Variants in FIBCD1 observed in about 807,000 individuals in gnomAD.
FIBCD1 encodes fibrinogen C domain-containing protein 1.
FIBCD1 carries 47 observed loss-of-function variants against 45.1 expected under a neutral mutation model. That is an observed-to-expected ratio of 1.04 (90% CI 0.82 to 1.33). The LOEUF is 1.33. Among genes scored for constraint, FIBCD1 ranks in the 40% most tolerant of loss-of-function variants. The pLI, the probability that FIBCD1 is intolerant of heterozygous loss-of-function variation, is 0.00. For synonymous variants in FIBCD1, 313 were observed against 308.1 expected (o/e 1.02, Z -0.17); for missense variants, 653 against 682.2 (o/e 0.96, Z 0.48).
rs1308783826 is a variant in FIBCD1, at chr9:130,922,956, T to C, written c.849+788A>G. ...TTCTCCAGGAAGCTTTACCCTCCCC[T>C]CTGCTACAGTGACTTCTTCCGCCCC... On this transcript the variant is annotated intron_variant, in intron 4 of 6. Coordinates refer to ENST00000372338, the MANE Select transcript of FIBCD1 (RefSeq NM_032843.5). This position sits in a 1 kb window ranked among gnomAD's most constrained non-coding sequence, Gnocchi z 4.5. Among the ~76,000 whole-genome samples, 2 of 152,114 alleles carry C rather than the reference T, an allele frequency of 1.3e-5. No homozygotes were observed. The highest frequency in any genetic ancestry group is 2.9e-5 in the Non-Finnish European group (2 of 68,012).
At position 130,939,092 on chromosome 9, in the gene FIBCD1, T is replaced by A. The variant is rs1832571999; in HGVS notation, c.-485A>T. Reference sequence around the variant, plus strand: ...AAAGGAGGCCGAACTGGCCCCCAGATAACGCGGCCGGCCGGAGGGCAGCAA... The same window carrying A: ...AAAGGAGGCCGAACTGGCCCCCAGAAAACGCGGCCGGCCGGAGGGCAGCAA... On this transcript the variant is annotated 5_prime_UTR_variant, in exon 1 of 7. Transcript: ENST00000372338. 1 of 151,964 alleles carries A rather than the reference T, an allele frequency of 6.6e-6. No homozygotes were observed. The highest frequency in any genetic ancestry group is 2.4e-5 in the African/African-American group (1 of 41,362). 9.4% of individuals were successfully genotyped at this position (151,964 alleles called of 1,614,324 possible).
chr9:130,908,332 C>T (rs923316617), intron 5 of FIBCD1, among the ~76,000 whole-genome samples: 2 of 152,202 alleles, frequency 1.3e-5, no homozygotes, highest in African/African-American at 4.8e-5. Context: ...TGCTTCCTCC[C>T]GCATCATCTG....
intron 5 of FIBCD1, among the ~76,000 whole-genome samples, chr9:130,909,425 C>T (rs958037287): frequency 2.7e-4 from 41 of 152,316 alleles, no homozygotes; most frequent in Admixed American, 2.1e-3. Context: ...CATGTATATT[C>T]AAAACCTGCA....
In FIBCD1 at chr9:130,938,673, T is replaced by TGGGCGCGGGCGC. The variant is rs879274333; in HGVS notation, c.-78_-67dup. The TGGGCGCGGGCGC allele has an allele frequency of 2.4e-5, 27 of 1,124,592 alleles. No homozygotes were observed. Among genetic ancestry groups the TGGGCGCGGGCGC allele is most frequent in the African/African-American group, 1.2e-4 (7 of 60,580 alleles). The allele number at this position is 1,124,592 out of a possible 1,614,324, so 69.7% of individuals were successfully genotyped here. On this transcript the variant is annotated 5_prime_UTR_variant, in exon 1 of 7. Coordinates refer to ENST00000372338, the MANE Select transcript of FIBCD1 (RefSeq NM_032843.5). The stretch of plus-strand genomic sequence containing the variant: ...GCTGCGGAGCGCAAAGGAGACGGGG[T>TGGGCGCGGGCGC]GGGCGCGGGCGCGGGCGCGGGGCGC...
At chr9:130,928,340 C>T (rs1832390324) in intron 2 of FIBCD1, among the ~76,000 whole-genome samples, 1 of 152,208 alleles carries the variant, frequency 6.6e-6, no homozygotes. Flanking sequence ...CCTTCATGAA[C>T]TGGGCCTGAG....
intron 1 of FIBCD1, among the ~76,000 whole-genome samples, chr9:130,930,458 G>A (rs1212211210): frequency 6.6e-6 from 1 of 152,018 alleles, no homozygotes; most frequent in Non-Finnish European, 1.5e-5. Context: ...GGAGACGCAG[G>A]GAGACGCGGG....
Position 130,924,252 on chromosome 9 carries a change from G to C in FIBCD1, c.697C>G (p.Arg233Gly), listed in dbSNP as rs369242270. ...QRAPARGTRP[R>G]GCATGSRPRD... ...CCCCACTCACCAGTGGCACAGCCCC[G>C]GGGCCGGGTTCCCCGGGCAGGCGCT... Residue 233 changes from arginine to glycine, a missense_variant, in exon 3 of 7, where the codon CGG (arginine) becomes GGG (glycine). Arg to Gly is a moderately radical substitution (Grantham distance 125). Transcript: ENST00000372338. The C allele has an allele frequency of 6.3e-7, 1 of 1,596,556 alleles. No individual in the cohort carries two copies. The highest frequency in any genetic ancestry group is 1.1e-5 in the South Asian group (1 of 88,296).
Position 130,924,426 on chromosome 9 carries a change from G to A in FIBCD1, c.553-30C>T, listed in dbSNP as rs375652381. 11 of 1,581,488 alleles carry A rather than the reference G, an allele frequency of 7.0e-6. No individual in the cohort carries two copies. The African/African-American group carries it at 9.4e-5, about 13-fold the overall frequency. ...GGAGCACAGGGGGTGAGCCGAGGGG[G>A]CAGGGGCTCTGTTGGGGGTGGGGTG... On this transcript the variant is annotated intron_variant, in intron 2 of 6. Transcript: ENST00000372338.
At position 130,905,395 on chromosome 9, in the gene FIBCD1, G is replaced by T. The variant is rs1370313725; in HGVS notation, c.965C>A (p.Ala322Asp). 6.2e-7 allele frequency: 1 copy of T among 1,613,382 alleles called. No homozygotes were observed. Among genetic ancestry groups the T allele is most frequent in the Non-Finnish European group, 8.5e-7 (1 of 1,179,652 alleles). Residue 322 changes from alanine (A) to aspartate (D), a missense_variant, in exon 6 of 7, where the codon GCC becomes GAC. Coordinates refer to ENST00000372338, the MANE Select transcript of FIBCD1 (RefSeq NM_032843.5). ...EHWLGLKRIH[A>D]LTTQAAYELH... ...CTCGTAGGCAGCCTGTGTGGTCAGG[G>T]CGTGGATCCTCTTGAGCCCTGAAGT...
intron 3 of FIBCD1, 25 bp downstream of exon 3, chr9:130,924,212 G>T: frequency 6.5e-7 from 1 of 1,544,178 alleles, no homozygotes. Context: ...AGGCACCGGA[G>T]GAAGGCAGGC....
At chr9:130,940,283 G>A (rs2133135077), upstream of FIBCD1, among the ~76,000 whole-genome samples, 1 of 152,384 alleles carries the variant, frequency 6.6e-6, no homozygotes, top group African/African-American at 2.4e-5. Flanking sequence ...CCACCCGCCA[G>A]GCGCTGGGTT....
chr9:130,938,403 C>T (rs895230706), intron 1 of FIBCD1, 133 bp downstream of exon 1: 4 of 715,268 alleles, frequency 5.6e-6, no homozygotes, highest in South Asian at 2.6e-5. Context: ...GTCCCCATCC[C>T]GGCCCGGGCC....
intron 5 of FIBCD1, among the ~76,000 whole-genome samples, chr9:130,906,899 G>A (rs907919815): frequency 3.3e-5 from 5 of 152,192 alleles, no homozygotes; most frequent in Non-Finnish European, 2.9e-5. Flanking sequence ...GGTGCTGACT[G>A]CTGCTTCCCA....
rs1008062686 is a variant in FIBCD1 at position 130,911,890 on chromosome 9, T to C, written c.850-2A>G. The C allele has an allele frequency of 3.8e-6, 6 of 1,570,586 alleles. No individual in the cohort carries two copies. The highest frequency in any genetic ancestry group is 2.7e-5 in the African/African-American group (2 of 73,448). Reference sequence around the variant, plus strand: ...GCCGTCCTCCCGGCGCTGAAACACCTGCAAAGGGAAGATGGGGATGGGGCG... The same window carrying C: ...GCCGTCCTCCCGGCGCTGAAACACCCGCAAAGGGAAGATGGGGATGGGGCG... On this transcript the variant is annotated splice_acceptor_variant, in intron 4 of 6. Transcript: ENST00000372338. LOFTEE classifies it high-confidence loss of function.
intron 1 of FIBCD1, chr9:130,933,852 C>T (rs977533654): frequency 5.3e-5 from 8 of 152,298 alleles, no homozygotes; most frequent in African/African-American, 1.9e-4. Context: ...AGACTGGGAC[C>T]ACACTCCACA....
At chr9:130,930,267 CAG>C (rs1014594061) in intron 1 of FIBCD1, among the ~76,000 whole-genome samples, 1 of 152,008 alleles carries the variant, frequency 6.6e-6, no homozygotes, top group African/African-American at 2.4e-5. Flanking sequence ...GTGAGCGCCT[CAG>C]GGAGAAAGTG....
rs575715871 is a variant in FIBCD1, at chr9:130,928,796, C to G, written c.552+771G>C. 2.6e-3 allele frequency among the ~76,000 whole-genome samples: 389 copies of G among 152,268 alleles called. 1 individual carries two copies. The highest frequency in any genetic ancestry group is 9.0e-3 in the African/African-American group (376 of 41,564). On this transcript the variant is annotated intron_variant, in intron 2 of 6. Coordinates refer to ENST00000372338, the MANE Select transcript of FIBCD1 (RefSeq NM_032843.5). Reference sequence around the variant, plus strand: ...GCAGGGGCTGGATTCCAGGTCTGACCTGGCCACGGCACCCAGGAAAAATCA... The same window carrying G: ...GCAGGGGCTGGATTCCAGGTCTGACGTGGCCACGGCACCCAGGAAAAATCA...
rs1169394822 is a variant in FIBCD1, at chr9:130,939,072, AGGCCGAACT to A, written c.-474_-466del. 2 of 152,076 alleles carry A rather than the reference AGGCCGAACT, an allele frequency of 1.3e-5. No individual in the cohort carries two copies. Among genetic ancestry groups the A allele is most frequent in the Admixed American group, 6.5e-5 (1 of 15,296 alleles). The allele number at this position is 152,076 out of a possible 1,614,324, so 9.4% of individuals were successfully genotyped here. ...GCCTCCGAAAAGACCTAGGGAAAGG[AGGCCGAACT>A]GGCCCCCAGATAACGCGGCCGGCCG... On this transcript the variant is annotated 5_prime_UTR_variant, in exon 1 of 7. Transcript: ENST00000372338.
chr9:130,923,636 C>A (rs1399544341), intron 4 of FIBCD1, 108 bp downstream of exon 4: 2 of 1,483,496 alleles, frequency 1.3e-6, no homozygotes, highest in East Asian at 2.4e-5. Context: ...GTCCACAGAT[C>A]CATGGTGGAG....
Sources: allele counts gnomAD v4.1 joint callset (sites outside exome capture counted in the v4.1 genomes callset), GRCh38; gene constraint gnomAD v4.1.1; non-coding constraint Gnocchi (gnomAD v3.1); transcripts MANE v1.5; gene names NCBI Gene and HGNC (gene_info 2026-07-23, HGNC 2026-07-21).